The following PDE4DIP variants were observed in gnomAD, a reference collection of about 807,000 sequenced individuals.
The protein encoded by PDE4DIP is phosphodiesterase 4D interacting protein, also known as myomegalin.
A neutral mutation model predicts 221.4 loss-of-function variants in PDE4DIP; 59 were observed. That is an observed-to-expected ratio of 0.27 (90% CI 0.22 to 0.33). The LOEUF (loss-of-function observed/expected upper bound fraction) is 0.33. Among genes scored for constraint, PDE4DIP ranks in the 10% least tolerant of loss-of-function variants. PDE4DIP has a pLI of 1.00. For synonymous variants in PDE4DIP, 404 were observed against 815.9 expected (o/e 0.50, Z 8.60); for missense variants, 1,036 against 2,154.2 (o/e 0.48, Z 10.28).
At chr1:149,032,634 A>G in exon 44 of PDE4DIP, 1 of 232,436 alleles carries the variant, frequency 4.3e-6, no homozygotes, top group Non-Finnish European at 8.5e-6. Context: ...AGCACATCCT[A>G]TTTCTTTTCT....
intron 5 of PDE4DIP, chr1:148,938,284 C>T (rs1553476784): frequency 1.3e-5 from 2 of 158,688 alleles, no homozygotes; most frequent in African/African-American, 4.8e-5. Flanking sequence ...TAGGGCAGGC[C>T]CACCAGCATA....
chr1:148,885,978 C>T (rs1778622), upstream of PDE4DIP, among the ~76,000 whole-genome samples: 7,605 of 56,422 alleles, frequency 0.13, 111 homozygotes, highest in East Asian at 0.47. Context: ...CAAGAAATGA[C>T]TCAAAGGTTT....
At chr1:148,976,483 G>C (rs2060195550) in intron 17 of PDE4DIP, among the ~76,000 whole-genome samples, 1 of 152,036 alleles carries the variant, frequency 6.6e-6, no homozygotes, top group Non-Finnish European at 1.5e-5. Context: ...ATAAATAAAA[G>C]AGTAGTTATC....
intron 1 of PDE4DIP, chr1:148,915,861 C>T: frequency 5.9e-6 from 1 of 170,756 alleles, no homozygotes; most frequent in Non-Finnish European, 1.2e-5. Flanking sequence ...GATACGCTGA[C>T]TCCTGTTAAG....
chr1:149,025,500 C>T (rs1485371889), intron 38 of PDE4DIP, among the ~76,000 whole-genome samples: 2 of 152,142 alleles, frequency 1.3e-5, no homozygotes, highest in East Asian at 3.9e-4. Context: ...ACCAGGTCCC[C>T]CTTCTCAATA....
chr1:148,949,672 T>C (rs1468243515), intron 5 of PDE4DIP, among the ~76,000 whole-genome samples: 1 of 152,200 alleles, frequency 6.6e-6, no homozygotes, highest in Non-Finnish European at 1.5e-5. Context: ...ATAATTTTTG[T>C]TTTATTTTTA....
chr1:149,012,661 C>T (rs1553606387), exon 32 of PDE4DIP: 1 of 1,613,000 alleles, frequency 6.2e-7, no homozygotes, highest in South Asian at 1.1e-5. Flanking sequence ...CTCCATCCAG[C>T]TTCCTGCCTT....
intron 1 of PDE4DIP, among the ~76,000 whole-genome samples, chr1:148,893,065 C>CTG (rs60364665): frequency 0.11 from 8,313 of 77,376 alleles, 164 homozygotes; most frequent in African/African-American, 0.14. Context: ...ATGTGTGTGT[C>CTG]TGTGTGTGTG....
At chr1:148,935,321 A>T (rs2049000943) in intron 4 of PDE4DIP, among the ~76,000 whole-genome samples, 1 of 146,052 alleles carries the variant, frequency 6.8e-6, no homozygotes, top group South Asian at 2.3e-4. Flanking sequence ...TATGCCTAGC[A>T]CATAGATGAT....
rs3863689 is a variant in PDE4DIP at position 149,031,579 on chromosome 1, A to G, written c.7000-365A>G. Among the ~76,000 whole-genome samples, 843 of 146,352 alleles carry G rather than the reference A, an allele frequency of 5.8e-3. 8 individuals are homozygous for G. Among genetic ancestry groups the G allele is most frequent in the Non-Finnish European group, 9.1e-3 (605 of 66,784 alleles). On this transcript the variant is annotated intron_variant, in intron 43 of 43. Coordinates refer to ENST00000369354, the Ensembl canonical transcript of PDE4DIP. Reference sequence around the variant, plus strand: ...TTCTTCCTACAAACAGGCTGTTTCTATATGTGCATGTTTCATGCTAAGCAC... The same window carrying G: ...TTCTTCCTACAAACAGGCTGTTTCTGTATGTGCATGTTTCATGCTAAGCAC...
intron 4 of PDE4DIP, among the ~76,000 whole-genome samples, chr1:148,935,145 T>C (rs1458490095): frequency 3.3e-5 from 5 of 150,582 alleles, no homozygotes; most frequent in African/African-American, 1.2e-4. Context: ...ACCAGGGAGG[T>C]GGAGGTTGCA....
At chr1:148,822,448 G>A (rs1334264602) in intron 1 of PDE4DIP, among the ~76,000 whole-genome samples, 1 of 147,146 alleles carries the variant, frequency 6.8e-6, no homozygotes, top group Non-Finnish European at 1.5e-5. Context: ...GAACCCTATT[G>A]TGAACTGGGC....
intron 6 of PDE4DIP, 59 bp downstream of exon 9, chr1:148,960,844 C>T: frequency 1.9e-6 from 1 of 517,642 alleles, no homozygotes; most frequent in Non-Finnish European, 3.5e-6. Context: ...GTGACTGGCT[C>T]TAGCCTGAGT....
chr1:148,934,990 G>A (rs1372989400), intron 4 of PDE4DIP, among the ~76,000 whole-genome samples: 3 of 152,120 alleles, frequency 2.0e-5, no homozygotes, highest in East Asian at 3.9e-4. Flanking sequence ...TTGGGAGGCC[G>A]AGGCGGGCGG....
chr1:148,959,618 G>C (rs1230194003), intron 5 of PDE4DIP, among the ~76,000 whole-genome samples: 1 of 149,888 alleles, frequency 6.7e-6, no homozygotes, highest in Non-Finnish European at 1.5e-5. Context: ...AACATCCTTA[G>C]CTTGTAATGA....
intron 5 of PDE4DIP, among the ~76,000 whole-genome samples, chr1:148,950,482 G>T (rs1262197008): frequency 6.6e-6 from 1 of 152,274 alleles, no homozygotes; most frequent in South Asian, 2.1e-4. Flanking sequence ...TTCTTGCATT[G>T]CTATACATAC....
At chr1:149,009,876 G>C in intron 30 of PDE4DIP, 85 bp downstream of exon 33, 1 of 1,034,996 alleles carries the variant, frequency 9.7e-7, no homozygotes, top group Non-Finnish European at 1.5e-6. Context: ...CCACCATGGT[G>C]TGTATCAGGC....
intron 1 of PDE4DIP, among the ~76,000 whole-genome samples, chr1:148,917,086 T>C (rs1379096810): frequency 6.8e-6 from 1 of 147,334 alleles, no homozygotes; most frequent in Admixed American, 6.8e-5. Context: ...GAGAGATTGG[T>C]TCTGCTAAGG....
chr1:148,821,548 T>C (rs1669260104), intron 1 of PDE4DIP, among the ~76,000 whole-genome samples: 2 of 149,392 alleles, frequency 1.3e-5, no homozygotes, highest in South Asian at 2.1e-4. Flanking sequence ...AAGCAGGAGG[T>C]GAAAGAACTG....
Sources: allele counts gnomAD v4.1 joint callset (sites outside exome capture counted in the v4.1 genomes callset), GRCh38; gene constraint gnomAD v4.1.1; transcripts MANE v1.5; gene names NCBI Gene and HGNC (gene_info 2026-07-23, HGNC 2026-07-21).